The following HOXA3 variants were observed in gnomAD, a reference collection of about 807,000 sequenced individuals.
The protein encoded by HOXA3 is homeobox protein Hox-A3.
A neutral mutation model predicts 30.3 loss-of-function variants in HOXA3; 8 were observed. That is an observed-to-expected ratio of 0.26 (90% CI 0.15 to 0.48). The LOEUF (loss-of-function observed/expected upper bound fraction) is 0.48. Ranked by LOEUF, HOXA3 falls within the 20% of genes least tolerant of loss-of-function variation. HOXA3 has a pLI of 0.99. For synonymous variants in HOXA3, 323 were observed against 273.1 expected (o/e 1.18, Z -1.80); for missense variants, 653 against 614.4 (o/e 1.06, Z -0.66).
chr7:27,132,326 TGAAAAG>T (rs1785586689), intron 2 of HOXA3, among the ~76,000 whole-genome samples: 1 of 152,228 alleles, frequency 6.6e-6, no homozygotes, highest in African/African-American at 2.4e-5. Context: ...TGGAGACACT[TGAAAAG>T]GAATGTCAAT....
intron 1 of HOXA3, chr7:27,145,592 AC>A: frequency 6.4e-7 from 1 of 1,552,778 alleles, no homozygotes; most frequent in Non-Finnish European, 8.7e-7. Context: ...AAGTTGGGGA[AC>A]AGGCGAGGGC....
At chr7:27,145,105 C>T (rs1782703873) in intron 1 of HOXA3, among the ~76,000 whole-genome samples, 1 of 152,256 alleles carries the variant, frequency 6.6e-6, no homozygotes, top group Non-Finnish European at 1.5e-5. Flanking sequence ...AGCTTCCTTC[C>T]TGTTCTGGGA....
At chr7:27,144,458 C>T (rs1387892492) in intron 1 of HOXA3, among the ~76,000 whole-genome samples, 3 of 152,168 alleles carry the variant, frequency 2.0e-5, no homozygotes, top group Admixed American at 2.0e-4. Context: ...ATTTTTCTTT[C>T]GTGTGAATAT....
intron 4 of HOXA3, chr7:27,116,658 T>C (rs912141245): frequency 1.3e-5 from 2 of 152,230 alleles, no homozygotes; most frequent in Admixed American, 6.5e-5. Flanking sequence ...AAGATGCCTC[T>C]AACAAACCTC....
intron 1 of HOXA3, chr7:27,142,780 G>A: frequency 2.3e-6 from 1 of 442,246 alleles, no homozygotes; most frequent in South Asian, 5.5e-5. Context: ...AAGGCGTGGG[G>A]TTCCAGAGGG....
chr7:27,143,545 C>T (rs1205140983), intron 1 of HOXA3: 1 of 1,612,256 alleles, frequency 6.2e-7, no homozygotes, highest in Non-Finnish European at 8.5e-7. Flanking sequence ...CATAATTATG[C>T]AACTGGTAGT....
intron 4 of HOXA3, chr7:27,121,031 A>C (rs955710231): frequency 3.9e-5 from 6 of 152,280 alleles, no homozygotes; most frequent in African/African-American, 1.4e-4. Flanking sequence ...GGCTTGGAAA[A>C]AGCAGGCAAC....
At chr7:27,117,110 C>T (rs373078724) in intron 4 of HOXA3, among the ~76,000 whole-genome samples, 67 of 152,300 alleles carry the variant, frequency 4.4e-4, no homozygotes, top group Middle Eastern at 3.4e-3. Context: ...GTGTGGGGTC[C>T]CCAAAGCCCA....
At chr7:27,141,828 C>T (rs1297855147) in intron 1 of HOXA3, 5 of 1,613,402 alleles carry the variant, frequency 3.1e-6, no homozygotes, top group Non-Finnish European at 4.2e-6. Context: ...TTTAAACGCT[C>T]AGATACTCAG....
rs748456888 is a variant in HOXA3 at position 27,108,124 on chromosome 7, T to G, written c.1123A>C (p.Met375Leu). The change falls in exon 6 of 6, where the codon ATG (methionine) becomes CTG (leucine). Residue 375 changes from methionine (M) to leucine (L), a missense_variant. Physicochemically the swap from Met to Leu is conservative, Grantham distance 15. Around this residue, in one of 3 missense-constraint regions of HOXA3, gnomAD observed 330 missense variants for 274.4 expected, o/e 1.20. Transcript: ENST00000612286. This position sits in a 1 kb window ranked among gnomAD's most constrained non-coding sequence, Gnocchi z 5.0. The part of the protein sequence containing the change: ...VFVGGSYVEP[M>L]SNSGPALFGL... Reference sequence around the variant, plus strand: ...AAGAGGGCTGGCCCGGAGTTGCTCATGGGCTCCACATAGCTGCCCCCCACG... The same window carrying G: ...AAGAGGGCTGGCCCGGAGTTGCTCAGGGGCTCCACATAGCTGCCCCCCACG... The G allele has an allele frequency of 1.2e-6, 2 of 1,606,310 alleles. No homozygotes were observed. Among genetic ancestry groups the G allele is most frequent in the Non-Finnish European group, 1.7e-6 (2 of 1,174,910 alleles).
intron 2 of HOXA3, chr7:27,129,260 G>A (rs780637195): frequency 1.2e-6 from 2 of 1,610,104 alleles, no homozygotes; most frequent in South Asian, 1.1e-5. Context: ...GAGGTGCTCG[G>A]GTGGGGGTGG....
intron 2 of HOXA3, among the ~76,000 whole-genome samples, chr7:27,138,799 A>C (rs896134690): frequency 3.3e-5 from 5 of 152,206 alleles, no homozygotes; most frequent in Non-Finnish European, 5.9e-5. Flanking sequence ...ATTTCCTGGG[A>C]TCAAACAGAA....
intron 3 of HOXA3, chr7:27,123,614 C>G (rs17437251): frequency 2.0e-5 from 3 of 152,344 alleles, no homozygotes; most frequent in Admixed American, 2.0e-4. Flanking sequence ...ATCCCTGCCC[C>G]GACTACCCCT....
chr7:27,111,763 A>C (rs991777714), intron 4 of HOXA3, among the ~76,000 whole-genome samples: 2 of 151,842 alleles, frequency 1.3e-5, no homozygotes, highest in Non-Finnish European at 2.9e-5. Flanking sequence ...GGGAAAAAAA[A>C]CCCCTCCAGG....
At chr7:27,146,710 G>A (rs1562731830) in intron 1 of HOXA3, among the ~76,000 whole-genome samples, 2 of 152,220 alleles carry the variant, frequency 1.3e-5, no homozygotes, top group Admixed American at 1.3e-4. Flanking sequence ...GGTGTATGAA[G>A]CTCAGGCATG....
intron 1 of HOXA3, chr7:27,147,684 CAAG>C (rs776564519): frequency 5.6e-6 from 9 of 1,613,874 alleles, no homozygotes; most frequent in Non-Finnish European, 7.6e-6. Flanking sequence ...GCAGCTGGCC[CAAG>C]AAGGAGTCCT....
intron 1 of HOXA3, among the ~76,000 whole-genome samples, chr7:27,149,702 A>G (rs775406159): frequency 9.9e-5 from 15 of 152,272 alleles, no homozygotes; most frequent in African/African-American, 3.6e-4. Flanking sequence ...ACATTACTTC[A>G]GGGAAAGAAT....
intron 1 of HOXA3, chr7:27,151,174 G>A: frequency 5.8e-6 from 1 of 171,914 alleles, no homozygotes; most frequent in South Asian, 1.2e-4. Flanking sequence ...CTCAAGTTGG[G>A]GAAACAACAA....
chr7:27,141,795 G>C, intron 1 of HOXA3: 1 of 1,602,540 alleles, frequency 6.2e-7, no homozygotes. Flanking sequence ...CACTACGCGG[G>C]ATCCGCTAAT....
Sources: gnomAD v4.1 joint callset for allele counts (sites outside exome capture counted in the v4.1 genomes callset) on GRCh38, gnomAD v4.1.1 for gene constraint, gnomAD v4.1.1 regional missense constraint, Gnocchi (gnomAD v3.1) non-coding constraint, MANE v1.5 for transcripts, NCBI Gene and HGNC (gene_info 2026-07-23, HGNC 2026-07-21) for gene names.